CREB3L2: variants seen among roughly 807,000 people sequenced by gnomAD.
CREB3L2 encodes cyclic AMP-responsive element-binding protein 3-like protein 2.
CREB3L2 carries 23 observed loss-of-function variants against 57.2 expected under a neutral mutation model. That is an observed-to-expected ratio of 0.40 (90% CI 0.29 to 0.57). The LOEUF (loss-of-function observed/expected upper bound fraction) is 0.57. Ranked by LOEUF, CREB3L2 falls within the 20% of genes least tolerant of loss-of-function variation. CREB3L2 has a pLI of 0.42. For synonymous variants in CREB3L2, 268 were observed against 265.1 expected (o/e 1.01, Z -0.11); for missense variants, 628 against 634.7 (o/e 0.99, Z 0.11).
intron 1 of CREB3L2, among the ~76,000 whole-genome samples, chr7:137,929,850 C>T (rs1204428186): frequency 6.7e-6 from 1 of 150,326 alleles, no homozygotes; most frequent in Non-Finnish European, 1.5e-5. Context: ...GCCCGGGCAA[C>T]AGTGCAAGAC....
chr7:137,893,531 AC>A lies in CREB3L2; in HGVS notation c.1043+7822del, dbSNP rs144578398. 8.3e-3 allele frequency among the ~76,000 whole-genome samples: 1,271 copies of A among 152,286 alleles called. 8 individuals are homozygous for A. The highest frequency in any genetic ancestry group is 0.013 in the Non-Finnish European group (877 of 68,030). On this transcript the variant is annotated intron_variant, in intron 8 of 11. Coordinates refer to ENST00000330387, the MANE Select transcript of CREB3L2 (RefSeq NM_194071.4). ...TGTCAGTCTAAGAGAGAAGAGATGA[AC>A]CCACACACAGAAAACCATAATAGTG...
Position 137,877,058 on chromosome 7 carries a change from T to A in CREB3L2, c.*3418A>T. 1 of 229,478 alleles carries A rather than the reference T, an allele frequency of 4.4e-6. No homozygotes were observed. Among genetic ancestry groups the A allele is most frequent in the Non-Finnish European group, 8.6e-6 (1 of 115,694 alleles). The allele number at this position is 229,478 out of a possible 1,614,324, so 14.2% of individuals were successfully genotyped here. On this transcript the variant is annotated 3_prime_UTR_variant, in exon 12 of 12. Transcript: ENST00000330387. The stretch of plus-strand genomic sequence containing the variant: ...AGCCATAAAATGCTGGAGAACAATT[T>A]TAAAAAACACTTATGAAAAAATGCT...
rs80222361 is a variant in CREB3L2 at position 137,921,503 on chromosome 7, T to C, written c.320-5491A>G. On this transcript the variant is annotated intron_variant, in intron 2 of 11. Transcript: ENST00000330387. ...AAGATAGGCAAATCATCAAAGAGAC[T>C]GAAAAAGACATGAACTCAAAGCCAA... Among the ~76,000 whole-genome samples the C allele has an allele frequency of 3.5e-4, 54 of 152,252 alleles. No homozygotes were observed. In the East Asian group the frequency reaches 0.01, roughly 29 times the overall value.
At chr7:137,901,567 G>A in intron 7 of CREB3L2, 145 bp from the exon 8 acceptor site, 1 of 547,812 alleles carries the variant, frequency 1.8e-6, no homozygotes, top group Non-Finnish European at 3.2e-6. Context: ...ATTGAAAGAA[G>A]GATGAAGAGA....
In CREB3L2 at chr7:137,972,736, TAGAGAGAGAGAGAGAGAGAGAG is replaced by T. The variant is rs564670456; in HGVS notation, c.102+28846_102+28867del. 7.6e-3 allele frequency among the ~76,000 whole-genome samples: 169 copies of T among 22,330 alleles called. 12 individuals are homozygous for T. The highest frequency in any genetic ancestry group is 0.021 in the African/African-American group (138 of 6,596). The allele number at this position is 22,330 out of a possible 152,430, so 14.6% of individuals were successfully genotyped here. A position where few individuals can be genotyped will look rare whatever the true frequency, so the allele number is the denominator to read the frequency against. ...AAATATATATATATATATATATATA[TAGAGAGAGAGAGAGAGAGAGAG>T]AGAGAGAGAGAGAAAAGAAAAAGAA... On this transcript the variant is annotated intron_variant, in intron 1 of 11. Coordinates refer to ENST00000330387, the MANE Select transcript of CREB3L2 (RefSeq NM_194071.4).
chr7:137,878,830 T>G lies in CREB3L2; in HGVS notation c.*1646A>C. On this transcript the variant is annotated 3_prime_UTR_variant, in exon 12 of 12. Transcript: ENST00000330387. ...CAAATGTTAATAACATCAAATCCTG[T>G]ACCTGATATGGAATGGAAGCCAGGG... 3.4e-6 allele frequency: 1 copy of G among 297,664 alleles called. No individual in the cohort carries two copies. Among genetic ancestry groups the G allele is most frequent in the East Asian group, 5.5e-5 (1 of 18,196 alleles). 18.4% of individuals were successfully genotyped at this position (297,664 alleles called of 1,614,324 possible).
At position 137,965,109 on chromosome 7, in the gene CREB3L2, C is replaced by T. The variant is rs143903611; in HGVS notation, c.102+36495G>A. ...AGTTCTACTACAGAGATTGTCCAAC[C>T]GGGGAAACAAAATAGATAAAGAAAC... On this transcript the variant is annotated intron_variant, in intron 1 of 11. Coordinates refer to ENST00000330387, the MANE Select transcript of CREB3L2 (RefSeq NM_194071.4). Among the ~76,000 whole-genome samples the T allele has an allele frequency of 3.0e-3, 463 of 152,112 alleles. 4 individuals are homozygous for T. Among genetic ancestry groups the T allele is most frequent in the African/African-American group, 0.01 (429 of 41,498 alleles).
chr7:137,884,719 C>G, intron 10 of CREB3L2: 1 of 597,884 alleles, frequency 1.7e-6, no homozygotes, highest in South Asian at 2.1e-5. Context: ...TATCAGAACT[C>G]AAAAATTAGA....
intron 11 of CREB3L2, among the ~76,000 whole-genome samples, chr7:137,881,787 T>G (rs532672864): frequency 2.0e-5 from 3 of 152,308 alleles, no homozygotes; most frequent in African/African-American, 7.2e-5. Context: ...CGCATAAGCC[T>G]TTATGTTTAC....
intron 1 of CREB3L2, among the ~76,000 whole-genome samples, chr7:137,933,465 A>G (rs1468456708): frequency 6.6e-6 from 1 of 152,218 alleles, no homozygotes; most frequent in African/African-American, 2.4e-5. Context: ...TTTCATGAAC[A>G]TCCCCTGGAT....
At chr7:137,948,633 T>C (rs868424145) in intron 1 of CREB3L2, among the ~76,000 whole-genome samples, 4 of 152,318 alleles carry the variant, frequency 2.6e-5, no homozygotes, top group Middle Eastern at 3.4e-3. Flanking sequence ...GAGGATCATC[T>C]TGGCTATTCA....
intron 1 of CREB3L2, among the ~76,000 whole-genome samples, chr7:137,947,350 C>T (rs1203430814): frequency 6.6e-6 from 1 of 152,046 alleles, no homozygotes; most frequent in African/African-American, 2.4e-5. Context: ...CATCTCTGTC[C>T]ACTCCCTCAC....
At chr7:137,899,761 G>A (rs573178260) in intron 8 of CREB3L2, among the ~76,000 whole-genome samples, 5 of 152,332 alleles carry the variant, frequency 3.3e-5, no homozygotes, top group Non-Finnish European at 5.9e-5. Flanking sequence ...CACATTCCCA[G>A]AAATGCAGAG....
chr7:137,919,325 C>T (rs960297950), intron 2 of CREB3L2, among the ~76,000 whole-genome samples: 2 of 152,126 alleles, frequency 1.3e-5, no homozygotes, highest in African/African-American at 4.8e-5. Flanking sequence ...GCGTGTGCCA[C>T]CAAACCTGGC....
chr7:137,922,461 T>TAC (rs1800347022), intron 2 of CREB3L2: 1 of 94,680 alleles, frequency 1.1e-5, no homozygotes, highest in African/African-American at 6.4e-5. Flanking sequence ...TATACACACA[T>TAC]ATATATATAC....
At chr7:137,971,505 CAA>C (rs369051402) in intron 1 of CREB3L2, among the ~76,000 whole-genome samples, 123 of 151,884 alleles carry the variant, frequency 8.1e-4, no homozygotes, top group African/African-American at 2.9e-3. Flanking sequence ...GACACTAAGG[CAA>C]CACTGCAGAC....
chr7:137,897,754 A>G (rs913509735), intron 8 of CREB3L2, among the ~76,000 whole-genome samples: 3 of 152,266 alleles, frequency 2.0e-5, no homozygotes, highest in African/African-American at 7.2e-5. Flanking sequence ...AGTTCTTAAC[A>G]AAGAAGTATG....
intron 1 of CREB3L2, among the ~76,000 whole-genome samples, chr7:138,000,793 T>C (rs1373898846): frequency 6.6e-6 from 1 of 152,160 alleles, no homozygotes; most frequent in African/African-American, 2.4e-5. Context: ...AATTTCATTT[T>C]GCAAACTTAA....
At position 137,893,721 on chromosome 7, in the gene CREB3L2, G is replaced by A. The variant is rs564030843; in HGVS notation, c.1043+7633C>T. ...GTCAAGAACAAGAAAAGTAGAGTTA[G>A]AAAGACTATAGCTAAGAGGAAGATC... On this transcript the variant is annotated intron_variant, in intron 8 of 11. Transcript: ENST00000330387. 3.3e-5 allele frequency among the ~76,000 whole-genome samples: 5 copies of A among 152,306 alleles called. No individual in the cohort carries two copies. The South Asian group carries it at 1.0e-3, about 32-fold the overall frequency.
Sources: gnomAD v4.1 joint callset for allele counts (sites outside exome capture counted in the v4.1 genomes callset) on GRCh38, gnomAD v4.1.1 for gene constraint, MANE v1.5 for transcripts, NCBI Gene and HGNC (gene_info 2026-07-23, HGNC 2026-07-21) for gene names.